Variants in TESPA1 observed in about 807,000 individuals in gnomAD.
The protein encoded by TESPA1 is protein TESPA1.
Under a neutral mutation model 57.9 loss-of-function variants are expected in TESPA1, and 33 were observed. That is an observed-to-expected ratio of 0.57 (90% CI 0.43 to 0.76). The LOEUF is 0.76. Among genes scored for constraint, TESPA1 ranks in the 30% least tolerant of loss-of-function variants. The pLI is 0.00. For missense variants in TESPA1, 618 were observed against 632.9 expected, an observed-to-expected ratio of 0.98 and a Z score of 0.25; for synonymous variants, 227 against 228.9, an observed-to-expected ratio of 0.99 and a Z score of 0.07.
intron 5 of TESPA1, 36 bp from the exon 6 acceptor site, chr12:54,966,460 A>G: frequency 6.2e-7 from 1 of 1,606,420 alleles, no homozygotes; most frequent in Non-Finnish European, 8.5e-7. Flanking sequence ...AGCAAATTAG[A>G]AGGGAAAATG....
chr12:54,981,408 C>T (rs979189653), intron 1 of TESPA1, among the ~76,000 whole-genome samples: 2 of 112,952 alleles, frequency 1.8e-5, no homozygotes, highest in African/African-American at 7.2e-5. Flanking sequence ...TCTTTCTTTC[C>T]TGGGGCCTGT....
At chr12:54,975,682 G>GAAATAAAATA in intron 1 of TESPA1, among the ~76,000 whole-genome samples, 1 of 106,136 alleles carries the variant, frequency 9.4e-6, no homozygotes, top group South Asian at 2.4e-4. Flanking sequence ...TTTAACTATT[G>GAAATAAAATA]GAATAAAATA....
chr12:54,973,452 ACCCCATTGC>A lies in TESPA1; in HGVS notation c.206+16_206+24del. On this transcript the variant is annotated intron_variant, in intron 3 of 10. Coordinates refer to ENST00000449076, the MANE Select transcript of TESPA1 (RefSeq NM_001136030.3). The stretch of plus-strand genomic sequence containing the variant: ...CAAATTCAACCATCAGCCACATACC[ACCCCATTGC>A]CTGTCCAGCACTTACCCGCAATCCT... 1 of 1,613,806 alleles carries A rather than the reference ACCCCATTGC, an allele frequency of 6.2e-7. No homozygotes were observed. Among genetic ancestry groups the A allele is most frequent in the Non-Finnish European group, 8.5e-7 (1 of 1,179,820 alleles).
chr12:54,966,575 G>A (rs1951449704), intron 5 of TESPA1, among the ~76,000 whole-genome samples, 151 bp from the exon 6 acceptor site: 1 of 152,150 alleles, frequency 6.6e-6, no homozygotes, highest in African/African-American at 2.4e-5. Flanking sequence ...ACTTCTTGGG[G>A]CCTCAAGATT....
chr12:54,971,988 A>G (rs187922841), intron 3 of TESPA1, among the ~76,000 whole-genome samples: 3 of 152,364 alleles, frequency 2.0e-5, no homozygotes, highest in Non-Finnish European at 2.9e-5. Flanking sequence ...ATACACATAT[A>G]TCATCTCATT....
At chr12:54,981,581 A>G (rs58378512) in intron 1 of TESPA1, among the ~76,000 whole-genome samples, 3 of 148,180 alleles carry the variant, frequency 2.0e-5, no homozygotes, top group Non-Finnish European at 3.0e-5. Flanking sequence ...ATATTAAAAA[A>G]AAAAAGTCTT....
In TESPA1 at chr12:54,950,275, C is replaced by A. The variant is rs999004991; in HGVS notation, c.*117G>T. On this transcript the variant is annotated 3_prime_UTR_variant, in exon 11 of 11. Coordinates refer to ENST00000449076, the MANE Select transcript of TESPA1 (RefSeq NM_001136030.3). ...TGCAGAGTTTGGGGGTTTGGAGGAC[C>A]AAGGAGTAGGGGCTGGATGTTGAGG... 2.2e-6 allele frequency: 1 copy of A among 456,652 alleles called. No homozygotes were observed. Among genetic ancestry groups the A allele is most frequent in the East Asian group, 7.0e-5 (1 of 14,384 alleles). The allele number at this position is 456,652 out of a possible 1,614,324, so 28.3% of individuals were successfully genotyped here.
chr12:54,976,448 A>G (rs749401540), intron 1 of TESPA1, among the ~76,000 whole-genome samples: 2 of 152,030 alleles, frequency 1.3e-5, no homozygotes, highest in Non-Finnish European at 2.9e-5. Flanking sequence ...TTCAGCTCAC[A>G]GAACATTTTT....
rs200958597 is a variant in TESPA1 at position 54,966,410 on chromosome 12, C to A, written c.325G>T (p.Ala109Ser). ...TLGAEATLLAANGKLFSRSFL... is the reference protein window; with the variant it reads ...TLGAEATLLASNGKLFSRSFL... ...TACCTGGAGAAGAGTTTGCCATTGG[C>A]GGCCAGTAGTGTGGCTGGACAAGAA... The change falls in exon 6 of 11, where the codon GCC becomes TCC. Residue 109 changes from alanine to serine, a missense_variant. By Grantham distance (99) the Ala-to-Ser change is moderately conservative. Coordinates refer to ENST00000449076, the MANE Select transcript of TESPA1 (RefSeq NM_001136030.3). 1.3e-5 allele frequency: 21 copies of A among 1,613,588 alleles called. No individual in the cohort carries two copies. In the South Asian group the frequency reaches 2.2e-4, roughly 17 times the overall value.
At chr12:54,961,909 T>C (rs1951103917) in intron 9 of TESPA1, among the ~76,000 whole-genome samples, 3 of 152,172 alleles carry the variant, frequency 2.0e-5, no homozygotes, top group African/African-American at 7.2e-5. Flanking sequence ...GCAAGGTCCC[T>C]TATGGTATAG....
chr12:54,969,595 A>G (rs11171199), intron 3 of TESPA1, among the ~76,000 whole-genome samples: 9,000 of 152,248 alleles, frequency 0.059, 697 homozygotes, highest in East Asian at 0.21. Flanking sequence ...ATAAAATTAA[A>G]CAATTATATA....
chr12:54,966,479 C>CT, intron 5 of TESPA1, 55 bp from the exon 6 acceptor site: 4 of 1,590,552 alleles, frequency 2.5e-6, no homozygotes, highest in Non-Finnish European at 3.4e-6. Context: ...TGAAAATCAC[C>CT]TGTGTTGCCC....
At chr12:54,964,066 C>G (rs1951264228) in intron 7 of TESPA1, 116 bp from the exon 8 acceptor site, 1 of 1,049,620 alleles carries the variant, frequency 9.5e-7, no homozygotes, top group African/African-American at 1.6e-5. Context: ...GTCCATTTCT[C>G]TACTTTTCAC....
intron 1 of TESPA1, chr12:54,981,695 G>C (rs1238094123): frequency 6.6e-6 from 1 of 152,280 alleles, no homozygotes; most frequent in African/African-American, 2.4e-5. Flanking sequence ...GGGAGAAAGA[G>C]AGAGAGAGAG....
chr12:54,959,148 T>C (rs2264786), intron 10 of TESPA1, among the ~76,000 whole-genome samples: 110,236 of 152,082 alleles, frequency 0.72, 40,266 homozygotes, highest in South Asian at 0.85. Context: ...AAGCGTTCCA[T>C]GGTCTTATGG....
chr12:54,950,264 G>A lies in TESPA1; in HGVS notation c.*128C>T. ...TGCCTTTCTCCTGCAGAGTTTGGGG[G>A]TTTGGAGGACCAAGGAGTAGGGGCT... On this transcript the variant is annotated 3_prime_UTR_variant, in exon 11 of 11. Transcript: ENST00000449076. 1 of 456,678 alleles carries A rather than the reference G, an allele frequency of 2.2e-6. No homozygotes were observed. The highest frequency in any genetic ancestry group is 6.9e-5 in the East Asian group (1 of 14,404). 28.3% of individuals were successfully genotyped at this position (456,678 alleles called of 1,614,324 possible). A position where few individuals can be genotyped will look rare whatever the true frequency, so the allele number is the denominator to read the frequency against.
rs1178610425 is a variant in TESPA1 at position 54,953,522 on chromosome 12, C to CTT, written c.*2-3134_*2-3133dup. On this transcript the variant is annotated intron_variant, in intron 10 of 10. Transcript: ENST00000449076. ...CCTTCTCTACATCTTTTTTTATTTA[C>CTT]TTTTTTTTTTTTTGAGACGGAGTCT... is the stretch of plus-strand genomic sequence containing the variant. Among the ~76,000 whole-genome samples, 117 of 135,374 alleles carry CTT rather than the reference C, an allele frequency of 8.6e-4. 1 individual carries two copies. Among genetic ancestry groups the CTT allele is most frequent in the African/African-American group, 1.9e-3 (69 of 35,796 alleles). 88.8% of individuals were successfully genotyped at this position (135,374 alleles called of 152,430 possible).
intron 1 of TESPA1, among the ~76,000 whole-genome samples, chr12:54,978,177 T>A (rs1188450835): frequency 6.6e-6 from 1 of 152,190 alleles, no homozygotes; most frequent in African/African-American, 2.4e-5. Flanking sequence ...GACAAAGATA[T>A]GGAGATGTTT....
chr12:54,978,083 G>A (rs1039009520), intron 1 of TESPA1, among the ~76,000 whole-genome samples: 35 of 151,926 alleles, frequency 2.3e-4, no homozygotes, highest in Admixed American at 5.9e-4. Context: ...CATCAGCCAT[G>A]AGAGTGTTAG....
Sources: allele counts gnomAD v4.1 joint callset (sites outside exome capture counted in the v4.1 genomes callset), GRCh38; gene constraint gnomAD v4.1.1; transcripts MANE v1.5; gene names NCBI Gene and HGNC (gene_info 2026-07-23, HGNC 2026-07-21).